ZNF714: variants seen among roughly 807,000 people sequenced by gnomAD.
ZNF714 encodes zinc finger protein 714.
In ZNF714, 32 loss-of-function variants were observed where a neutral mutation model predicts 46.2. The observed-to-expected ratio is 0.69, with a 90% CI of 0.52 to 0.93. ZNF714 has a LOEUF of 0.93. Among genes scored for constraint, ZNF714 ranks in the 40% least tolerant of loss-of-function variants. ZNF714 has a pLI of 0.00. For synonymous variants in ZNF714, 199 were observed against 213.1 expected, an observed-to-expected ratio of 0.93 and a Z score of 0.58; for missense variants, 635 against 646.3, an observed-to-expected ratio of 0.98 and a Z score of 0.19.
Position 21,117,100 on chromosome 19 carries a change from A to G in ZNF714, c.436A>G (p.Lys146Glu), listed in dbSNP as rs746894861. The G allele has an allele frequency of 6.2e-7, 1 of 1,613,690 alleles. No individual in the cohort carries two copies. The highest frequency in any genetic ancestry group is 1.1e-5 in the South Asian group (1 of 91,002). The stretch of plus-strand genomic sequence containing the variant: ...AAGACATACTGGAGAGAAACCTTTC[A>G]AATGTAAAAAATGTGATGAATCATT... The part of the protein sequence containing the change: ...KTRHTGEKPF[K>E]CKKCDESFCM... Residue 146 changes from lysine (K) to glutamate (E), a missense_variant, in exon 5 of 5, where the codon AAA (lysine) becomes GAA (glutamate). Coordinates refer to ENST00000456283, the MANE Select transcript of ZNF714 (RefSeq NM_182515.4).
At chr19:21,083,017 T>C (rs1465233889) in intron 1 of ZNF714, among the ~76,000 whole-genome samples, 1 of 150,146 alleles carries the variant, frequency 6.7e-6, no homozygotes, top group Non-Finnish European at 1.5e-5. Context: ...AATGTAGTAA[T>C]TTACTAAAAA....
At chr19:21,093,464 G>A (rs921093165) in intron 2 of ZNF714, among the ~76,000 whole-genome samples, 2 of 141,466 alleles carry the variant, frequency 1.4e-5, no homozygotes, top group Non-Finnish European at 1.5e-5. Context: ...ACTCCTGACC[G>A]CAGGTGATCC....
chr19:21,108,798 T>A (rs1969380766), intron 4 of ZNF714, among the ~76,000 whole-genome samples: 2 of 152,232 alleles, frequency 1.3e-5, no homozygotes, highest in South Asian at 4.1e-4. Context: ...TTCTTATTGA[T>A]CTTTTATCTG....
At chr19:21,096,070 G>A (rs980111152) in intron 2 of ZNF714, among the ~76,000 whole-genome samples, 3 of 152,140 alleles carry the variant, frequency 2.0e-5, no homozygotes, top group Non-Finnish European at 4.4e-5. Context: ...TTCTGTTTGG[G>A]TTTGGTAGGG....
rs1039530396 is a variant in ZNF714 at position 21,124,815 on chromosome 19, A to G, written c.*6483A>G. On this transcript the variant is annotated 3_prime_UTR_variant, in exon 5 of 5. Transcript: ENST00000456283. ...TTTTACTCTATACATCAATGGGATT[A>G]AGATTTTTGGAATCCATGTATAGGT... 6.6e-6 allele frequency: 1 copy of G among 152,170 alleles called. No homozygotes were observed. The allele number at this position is 152,170 out of a possible 1,614,324, so 9.4% of individuals were successfully genotyped here.
intron 2 of ZNF714, among the ~76,000 whole-genome samples, chr19:21,087,243 AAAACAT>A (rs1968805114): frequency 7.2e-6 from 1 of 138,468 alleles, no homozygotes; most frequent in African/African-American, 2.5e-5. Flanking sequence ...AAAAAAAAAA[AAAACAT>A]GATCGACAAG....
chr19:21,102,858 C>T (rs1737382744), intron 4 of ZNF714, among the ~76,000 whole-genome samples: 1 of 152,014 alleles, frequency 6.6e-6, no homozygotes, highest in Admixed American at 6.6e-5. Context: ...TTAACATCAG[C>T]TTATTGTGTT....
At chr19:21,084,268 A>C (rs1288441145) in intron 2 of ZNF714, among the ~76,000 whole-genome samples, 199 bp downstream of exon 2, 1 of 149,962 alleles carries the variant, frequency 6.7e-6, no homozygotes, top group African/African-American at 2.5e-5. Flanking sequence ...CAAAAAACAC[A>C]AAAAACCTGA....
chr19:21,099,169 T>TTTTG (rs1568276279), intron 4 of ZNF714, among the ~76,000 whole-genome samples: 1 of 152,104 alleles, frequency 6.6e-6, no homozygotes, highest in African/African-American at 2.4e-5. Context: ...ACACTGTTTT[T>TTTTG]TTTTGTTTTG....
At chr19:21,113,807 G>A (rs1422601210) in intron 4 of ZNF714, among the ~76,000 whole-genome samples, 1 of 152,074 alleles carries the variant, frequency 6.6e-6, no homozygotes, top group Non-Finnish European at 1.5e-5. Context: ...ACCATGCCCA[G>A]CCATATGATC....
intron 1 of ZNF714, 132 bp downstream of exon 1, chr19:21,082,480 G>C: frequency 1.1e-6 from 1 of 931,628 alleles, no homozygotes; most frequent in Non-Finnish European, 1.6e-6. Flanking sequence ...TCCTTGCTCA[G>C]CTCGGCCTCA....
At position 21,100,812 on chromosome 19, in the gene ZNF714, A is replaced by T. The variant is rs1599540219; in HGVS notation, c.142+1902A>T. On this transcript the variant is annotated intron_variant, in intron 4 of 4. Coordinates refer to ENST00000456283, the MANE Select transcript of ZNF714 (RefSeq NM_182515.4). ...TGCAACCTCCACCTCCTGGGTTCAA[A>T]TGATTCTCCCGTAGCCTCTCAAGTA... 3.3e-5 allele frequency among the ~76,000 whole-genome samples: 5 copies of T among 152,100 alleles called. 1 individual carries two copies. The South Asian group carries it at 1.0e-3, about 32-fold the overall frequency.
At chr19:21,111,628 G>A (rs1246428492) in intron 4 of ZNF714, among the ~76,000 whole-genome samples, 1 of 152,108 alleles carries the variant, frequency 6.6e-6, no homozygotes, top group Non-Finnish European at 1.5e-5. Context: ...TGTTAAATAG[G>A]AGTGGTGAGA....
intron 4 of ZNF714, among the ~76,000 whole-genome samples, chr19:21,101,976 T>C (rs1969192070): frequency 6.6e-6 from 1 of 152,184 alleles, no homozygotes; most frequent in African/African-American, 2.4e-5. Context: ...AGGCACTTAC[T>C]TGGGAGATGG....
intron 4 of ZNF714, among the ~76,000 whole-genome samples, chr19:21,110,662 A>T (rs1969430560): frequency 2.0e-5 from 3 of 152,182 alleles, no homozygotes; most frequent in Admixed American, 2.0e-4. Flanking sequence ...ATCTTTGCCC[A>T]TGCCTATGTC....
chr19:21,095,221 A>C (rs1969008130), intron 2 of ZNF714, among the ~76,000 whole-genome samples: 1 of 152,078 alleles, frequency 6.6e-6, no homozygotes, highest in South Asian at 2.1e-4. Context: ...TGTCCTCTGG[A>C]ATGTGTCTAG....
At chr19:21,101,613 A>G (rs1161329539) in intron 4 of ZNF714, among the ~76,000 whole-genome samples, 1 of 152,126 alleles carries the variant, frequency 6.6e-6, no homozygotes, top group Non-Finnish European at 1.5e-5. Context: ...CTGGTCATGA[A>G]CTGTGGCTCA....
intron 2 of ZNF714, among the ~76,000 whole-genome samples, chr19:21,088,894 A>G (rs1485131017): frequency 6.6e-6 from 1 of 152,150 alleles, no homozygotes; most frequent in Non-Finnish European, 1.5e-5. Context: ...TGTATCTAAA[A>G]AGGAGAGAAT....
chr19:21,114,092 G>A (rs111236451), intron 4 of ZNF714, among the ~76,000 whole-genome samples: 2 of 151,910 alleles, frequency 1.3e-5, no homozygotes, highest in African/African-American at 4.8e-5. Context: ...ATTATGTAAC[G>A]TACTTCTTTG....
Sources: gnomAD v4.1 joint callset for allele counts (sites outside exome capture counted in the v4.1 genomes callset) on GRCh38, gnomAD v4.1.1 for gene constraint, MANE v1.5 for transcripts, NCBI Gene and HGNC (gene_info 2026-07-23, HGNC 2026-07-21) for gene names.